Variants in ARB2A observed in about 807,000 individuals in gnomAD.
The protein encoded by ARB2A is cotranscriptional regulator ARB2A.
the ARB2A span, chr5:93,741,152 A>T: frequency 6.2e-7 from 1 of 1,613,700 alleles, no homozygotes; most frequent in Non-Finnish European, 8.5e-7. Flanking sequence ...CCTAGGCTCA[A>T]CCTCTTCTGC....
At chr5:94,087,575 T>C in the ARB2A span, among the ~76,000 whole-genome samples, 9 of 152,344 alleles carry the variant, frequency 5.9e-5, no homozygotes, top group Non-Finnish European at 1.0e-4. Flanking sequence ...ATATATTTTG[T>C]GTAGCCTAAG....
At chr5:94,084,525 T>C in the ARB2A span, among the ~76,000 whole-genome samples, 1 of 152,158 alleles carries the variant, frequency 6.6e-6, no homozygotes, top group Middle Eastern at 3.2e-3. Context: ...CAAAATGTTT[T>C]TCACAGAACT....
chr5:93,905,755 C>T, the ARB2A span, among the ~76,000 whole-genome samples: 11 of 151,434 alleles, frequency 7.3e-5, no homozygotes, highest in Non-Finnish European at 1.5e-4. Flanking sequence ...ACCATTACTT[C>T]TTTAAGTTAT....
the ARB2A span, among the ~76,000 whole-genome samples, chr5:93,930,563 G>A: frequency 6.6e-6 from 1 of 152,130 alleles, no homozygotes; most frequent in African/African-American, 2.4e-5. Flanking sequence ...ATTTCAATAG[G>A]CAGAGATTAG....
the ARB2A span, among the ~76,000 whole-genome samples, chr5:94,060,255 G>A: frequency 6.6e-6 from 1 of 152,094 alleles, no homozygotes; most frequent in African/African-American, 2.4e-5. Context: ...AGGAGGCTTA[G>A]GCAGGAGAAT....
chr5:93,883,589 T>A, the ARB2A span, among the ~76,000 whole-genome samples: 1 of 151,668 alleles, frequency 6.6e-6, no homozygotes, highest in South Asian at 2.1e-4. Flanking sequence ...ACTTGACTAG[T>A]TATTAAAATC....
chr5:93,863,448 T>C, the ARB2A span: 5 of 151,534 alleles, frequency 3.3e-5, no homozygotes, highest in African/African-American at 1.2e-4. Context: ...TTTATATATA[T>C]TTAGAGAGGA....
At chr5:94,038,552 GA>G in the ARB2A span, among the ~76,000 whole-genome samples, 1 of 151,968 alleles carries the variant, frequency 6.6e-6, no homozygotes, top group Non-Finnish European at 1.5e-5. Flanking sequence ...TGAATGTAAA[GA>G]ATATTCTTTT....
At chr5:93,658,464 G>T in the ARB2A span, among the ~76,000 whole-genome samples, 73 of 152,156 alleles carry the variant, frequency 4.8e-4, no homozygotes, top group East Asian at 7.7e-3. Flanking sequence ...TCTTTGACGA[G>T]AATCTGTGTG....
chr5:93,996,497 C>T, the ARB2A span, among the ~76,000 whole-genome samples: 1 of 151,924 alleles, frequency 6.6e-6, no homozygotes, highest in Admixed American at 6.6e-5. Context: ...CACTTAGCAT[C>T]CCAAATAAAC....
chr5:93,973,638 A>G, the ARB2A span, among the ~76,000 whole-genome samples: 5 of 150,198 alleles, frequency 3.3e-5, no homozygotes, highest in Admixed American at 3.3e-4. Context: ...AGATCAATGC[A>G]AAAATTCTTA....
the ARB2A span, among the ~76,000 whole-genome samples, chr5:93,626,145 A>T: frequency 1.3e-5 from 2 of 152,344 alleles, no homozygotes; most frequent in Non-Finnish European, 2.9e-5. Flanking sequence ...GTCTTAAGTT[A>T]TATGGGAATA....
the ARB2A span, among the ~76,000 whole-genome samples, chr5:93,913,958 C>G: frequency 6.6e-6 from 1 of 151,880 alleles, no homozygotes; most frequent in Non-Finnish European, 1.5e-5. Context: ...TGTGAAATAT[C>G]AAACTACACC....
chr5:93,800,921 A>G, the ARB2A span, among the ~76,000 whole-genome samples: 3 of 152,124 alleles, frequency 2.0e-5, no homozygotes, highest in Non-Finnish European at 4.4e-5. Context: ...TCTTTAATAT[A>G]GTTTTAAAAG....
At chr5:93,703,155 T>A in the ARB2A span, among the ~76,000 whole-genome samples, 267 of 152,318 alleles carry the variant, frequency 1.8e-3, 1 homozygote, top group African/African-American at 5.5e-3. Flanking sequence ...CCTAAACACA[T>A]ACACAATATA....
chr5:93,826,238 C>T, the ARB2A span, among the ~76,000 whole-genome samples: 4 of 152,120 alleles, frequency 2.6e-5, no homozygotes, highest in South Asian at 2.1e-4. Flanking sequence ...ATGCTTTGTA[C>T]GAATATTTCT....
the ARB2A span, among the ~76,000 whole-genome samples, chr5:93,946,902 TAC>T: frequency 6.6e-6 from 1 of 152,226 alleles, no homozygotes; most frequent in Non-Finnish European, 1.5e-5. Context: ...CAGCCACTAA[TAC>T]ATGCTTTTCT....
the ARB2A span, among the ~76,000 whole-genome samples, chr5:94,090,990 A>T: frequency 2.6e-5 from 4 of 152,216 alleles, no homozygotes; most frequent in African/African-American, 9.6e-5. Context: ...ACAGTCTTTG[A>T]ATTAAAAAAA....
chr5:93,959,584 ATCTAT>A, the ARB2A span, among the ~76,000 whole-genome samples: 1 of 152,170 alleles, frequency 6.6e-6, no homozygotes, highest in Non-Finnish European at 1.5e-5. Context: ...AAAACTAACC[ATCTAT>A]TCTATTCTTA....
Sources: gnomAD v4.1 joint callset for allele counts (sites outside exome capture counted in the v4.1 genomes callset) on GRCh38, gnomAD v4.1.1 for gene constraint, MANE v1.5 for transcripts, NCBI Gene and HGNC (gene_info 2026-07-23, HGNC 2026-07-21) for gene names.